Variants in SOS2 observed in about 807,000 individuals in gnomAD.
SOS2 encodes son of sevenless homolog 2.
In SOS2, 65 loss-of-function variants were observed where a neutral mutation model predicts 148.2. The observed-to-expected ratio is 0.44, with a 90% confidence interval of 0.36 to 0.54. The LOEUF (loss-of-function observed/expected upper bound fraction) is 0.54. SOS2 is among the 20% of genes least tolerant of loss of function. The pLI is 0.00. For missense variants in SOS2, 1,341 were observed against 1,590.2 expected (o/e 0.84, Z 2.67); for synonymous variants, 539 against 537.1 (o/e 1.00, Z -0.05).
At chr14:50,127,347 G>A (rs1456358344) in intron 21 of SOS2, among the ~76,000 whole-genome samples, 1 of 152,040 alleles carries the variant, frequency 6.6e-6, no homozygotes, top group African/African-American at 2.4e-5. Context: ...TCACCATGTT[G>A]GTCAGTCTGG....
intron 9 of SOS2, among the ~76,000 whole-genome samples, chr14:50,160,321 C>A (rs1884954860): frequency 6.9e-6 from 1 of 145,762 alleles, no homozygotes; most frequent in Admixed American, 6.9e-5. Flanking sequence ...AAATTTCTTT[C>A]ATAGATTATA....
At chr14:50,125,798 C>A (rs988553457) in intron 21 of SOS2, among the ~76,000 whole-genome samples, 1 of 152,204 alleles carries the variant, frequency 6.6e-6, no homozygotes, top group African/African-American at 2.4e-5. Flanking sequence ...GCAATGACCT[C>A]ATTCCCACCT....
intron 5 of SOS2, among the ~76,000 whole-genome samples, chr14:50,187,740 T>C (rs1885963699): frequency 6.6e-6 from 1 of 152,204 alleles, no homozygotes; most frequent in Admixed American, 6.5e-5. Flanking sequence ...TTTTTGTTTG[T>C]TAAACATGGC....
intron 21 of SOS2, among the ~76,000 whole-genome samples, chr14:50,123,827 T>A (rs948636552): frequency 1.3e-5 from 2 of 152,196 alleles, no homozygotes; most frequent in African/African-American, 4.8e-5. Context: ...AAAGTTATGG[T>A]GGCTTGGACC....
At chr14:50,187,675 C>T (rs1885960734) in intron 5 of SOS2, among the ~76,000 whole-genome samples, 1 of 151,646 alleles carries the variant, frequency 6.6e-6, no homozygotes, top group Non-Finnish European at 1.5e-5. Context: ...AAAGTGTGGG[C>T]CAAACACATA....
At chr14:50,188,391 G>A (rs779215783) in intron 5 of SOS2, 106 bp downstream of exon 5, 4 of 753,848 alleles carry the variant, frequency 5.3e-6, no homozygotes, top group Non-Finnish European at 8.7e-6. Context: ...CTGGGCAACA[G>A]AGCAAGACTC....
At chr14:50,138,956 G>A (rs376468360) in intron 17 of SOS2, among the ~76,000 whole-genome samples, 172 bp from the exon 18 acceptor site, 3 of 151,790 alleles carry the variant, frequency 2.0e-5, no homozygotes, top group Non-Finnish European at 4.4e-5. Context: ...TCTCCATTAA[G>A]CATTTTTTAA....
At chr14:50,174,141 T>A (rs1028070789) in intron 8 of SOS2, among the ~76,000 whole-genome samples, 1 of 151,936 alleles carries the variant, frequency 6.6e-6, no homozygotes, top group African/African-American at 2.4e-5. Context: ...CCAGGACTAG[T>A]GGTTGGCTAG....
At chr14:50,132,272 C>T (rs552856643) in intron 19 of SOS2, among the ~76,000 whole-genome samples, 13 of 149,088 alleles carry the variant, frequency 8.7e-5, no homozygotes, top group African/African-American at 3.0e-4. Flanking sequence ...ATCCTAGCAC[C>T]TTGGGAGGCT....
chr14:50,170,549 G>A (rs1460383033), intron 8 of SOS2, among the ~76,000 whole-genome samples: 1 of 151,816 alleles, frequency 6.6e-6, no homozygotes, highest in Non-Finnish European at 1.5e-5. Context: ...AGCTGGGCAT[G>A]GTAGCACACA....
intron 5 of SOS2, among the ~76,000 whole-genome samples, chr14:50,185,062 C>T (rs993352890): frequency 6.6e-6 from 1 of 152,062 alleles, no homozygotes; most frequent in African/African-American, 2.4e-5. Flanking sequence ...TAAAGTCCTT[C>T]ATAATAAACT....
chr14:50,201,482 C>T (rs1167676043), intron 2 of SOS2, among the ~76,000 whole-genome samples: 2 of 146,938 alleles, frequency 1.4e-5, no homozygotes, highest in Non-Finnish European at 3.0e-5. Flanking sequence ...TGCAGCAAGC[C>T]GAGATCATGC....
chr14:50,201,526 C>A, intron 2 of SOS2, among the ~76,000 whole-genome samples: 1 of 96,806 alleles, frequency 1.0e-5, no homozygotes, highest in African/African-American at 4.2e-5. Flanking sequence ...AGGGAGACCC[C>A]CAACAGAAAA....
At chr14:50,207,073 G>A (rs1053330433) in intron 1 of SOS2, among the ~76,000 whole-genome samples, 2 of 152,050 alleles carry the variant, frequency 1.3e-5, no homozygotes, top group African/African-American at 4.8e-5. Context: ...GGGTCTACCT[G>A]GCTTCATTGA....
intron 1 of SOS2, among the ~76,000 whole-genome samples, chr14:50,227,926 G>T (rs1253915070): frequency 1.3e-5 from 2 of 152,050 alleles, no homozygotes; most frequent in African/African-American, 4.8e-5. Flanking sequence ...ATAAGCAAAA[G>T]AATACTGGCT....
chr14:50,160,142 A>G (rs1884948475), intron 9 of SOS2, 56 bp from the exon 10 acceptor site: 4 of 1,325,260 alleles, frequency 3.0e-6, no homozygotes, highest in Admixed American at 2.1e-5. Context: ...AATGGTTTCA[A>G]GCATAAACCA....
At chr14:50,181,447 C>CA (rs66495115) in intron 6 of SOS2, among the ~76,000 whole-genome samples, 126,075 of 146,000 alleles carry the variant, frequency 0.86, 54,321 homozygotes, top group African/African-American at 0.92. Flanking sequence ...GACTCCATGT[C>CA]AAAAAAAAAA....
At chr14:50,156,936 A>AAC (rs1566830146) in intron 12 of SOS2, 63 bp downstream of exon 12, 1 of 695,194 alleles carries the variant, frequency 1.4e-6, no homozygotes, top group Non-Finnish European at 2.3e-6. Flanking sequence ...TGACACATAA[A>AAC]ATGTGTGTGT....
chr14:50,172,774 C>T (rs2139673695), intron 8 of SOS2, among the ~76,000 whole-genome samples: 1 of 152,188 alleles, frequency 6.6e-6, no homozygotes, highest in Middle Eastern at 3.4e-3. Flanking sequence ...TTTCTTTTCC[C>T]ATTTCTAATT....
Sources: gnomAD v4.1 joint callset for allele counts (sites outside exome capture counted in the v4.1 genomes callset) on GRCh38, gnomAD v4.1.1 for gene constraint, MANE v1.5 for transcripts, NCBI Gene and HGNC (gene_info 2026-07-23, HGNC 2026-07-21) for gene names.